The following LIMCH1 variants were observed in gnomAD, a reference collection of about 807,000 sequenced individuals.
LIMCH1 encodes the protein LIM and calponin homology domains-containing protein 1.
LIMCH1 carries 113 observed loss-of-function variants against 176.5 expected under a neutral mutation model. The ratio of observed to expected loss-of-function variants is 0.64; its 90% CI spans 0.55 to 0.75. LIMCH1 has a LOEUF of 0.75. Among genes scored for constraint, LIMCH1 ranks in the 30% least tolerant of loss-of-function variants. The pLI, the probability that LIMCH1 is intolerant of heterozygous loss-of-function variation, is 0.00. For synonymous variants in LIMCH1, 619 were observed against 645.9 expected, an observed-to-expected ratio of 0.96 and a Z score of 0.63; for missense variants, 1,674 against 1,814.9, an observed-to-expected ratio of 0.92 and a Z score of 1.41.
In LIMCH1 at chr4:41,620,684, T is replaced by C; in HGVS notation, c.719T>C (p.Phe240Ser). 1 of 1,533,852 alleles carries C rather than the reference T, an allele frequency of 6.5e-7. No individual in the cohort carries two copies. Among genetic ancestry groups the C allele is most frequent in the Non-Finnish European group, 8.7e-7 (1 of 1,145,398 alleles). The change falls in exon 7 of 32, where the codon TTT becomes TCT. Residue 240 changes from phenylalanine (F) to serine (S), a missense_variant. Around this residue, in one of 3 missense-constraint regions of LIMCH1, gnomAD observed 655 missense variants for 692.2 expected, o/e 0.95. Coordinates refer to ENST00000503057, the MANE Select transcript of LIMCH1 (RefSeq NM_001330672.2). Reference sequence around the variant, plus strand: ...AAGGTCATGCCAGCAGCACAGCGCTTTGCCAGGTCAGCTCTGGGCTGAGGG... The same window carrying C: ...AAGGTCATGCCAGCAGCACAGCGCTCTGCCAGGTCAGCTCTGGGCTGAGGG... ...GIKVMPAAQR[F>S]ASQKQLSEEK...
At chr4:41,438,487 C>T (rs1325013807) in intron 1 of LIMCH1, among the ~76,000 whole-genome samples, 2 of 151,832 alleles carry the variant, frequency 1.3e-5, no homozygotes, top group African/African-American at 2.4e-5. Context: ...CTCAGCCTCC[C>T]GCCACGACAC....
intron 2 of LIMCH1, among the ~76,000 whole-genome samples, chr4:41,505,925 GACACACAC>G (rs36212568): frequency 0.018 from 2,480 of 134,654 alleles, 59 homozygotes; most frequent in African/African-American, 0.049. Context: ...CTGTGTTTCT[GACACACAC>G]ACACACACAC....
intron 21 of LIMCH1, among the ~76,000 whole-genome samples, chr4:41,670,094 T>G (rs1047742256): frequency 3.9e-5 from 6 of 152,234 alleles, no homozygotes; most frequent in Non-Finnish European, 8.8e-5. Flanking sequence ...TTTTCTTAGC[T>G]GCCTCTCAGC....
chr4:41,513,931 G>GGGAGGT, intron 2 of LIMCH1, among the ~76,000 whole-genome samples: 1 of 145,274 alleles, frequency 6.9e-6, no homozygotes, highest in Non-Finnish European at 1.5e-5. Flanking sequence ...GCTTGTACTT[G>GGGAGGT]GGAGGTGGAG....
intron 5 of LIMCH1, among the ~76,000 whole-genome samples, chr4:41,614,137 GT>G (rs2091793885): frequency 6.6e-6 from 1 of 152,186 alleles, no homozygotes; most frequent in Non-Finnish European, 1.5e-5. Context: ...TAATTGGCAT[GT>G]TTTTTGGCAA....
intron 1 of LIMCH1, among the ~76,000 whole-genome samples, chr4:41,562,488 CA>C (rs1243615748): frequency 6.6e-6 from 1 of 152,108 alleles, no homozygotes; most frequent in Non-Finnish European, 1.5e-5. Context: ...AATGCTGAGA[CA>C]AAAAGGAAAT....
chr4:41,540,551 CAACGT>C (rs2078497370), intron 1 of LIMCH1, among the ~76,000 whole-genome samples: 1 of 152,100 alleles, frequency 6.6e-6, no homozygotes, highest in East Asian at 1.9e-4. Flanking sequence ...CCAGCCTGGC[CAACGT>C]GGCGAAACTC....
At chr4:41,415,161 C>T (rs1443001173) in intron 1 of LIMCH1, among the ~76,000 whole-genome samples, 1 of 151,960 alleles carries the variant, frequency 6.6e-6, no homozygotes, top group African/African-American at 2.4e-5. Context: ...TTAAGGGTAC[C>T]ACCCTTAACA....
chr4:41,692,742 T>G (rs1727106230), intron 31 of LIMCH1: 2 of 194,628 alleles, frequency 1.0e-5, no homozygotes, highest in South Asian at 2.1e-4. Flanking sequence ...TTGGGGATGG[T>G]TAAATGTGGA....
chr4:41,555,976 C>CT (rs1244898722), intron 1 of LIMCH1, among the ~76,000 whole-genome samples: 1 of 152,030 alleles, frequency 6.6e-6, no homozygotes, highest in Non-Finnish European at 1.5e-5. Flanking sequence ...AACTCCTGGG[C>CT]TCAGGGGGTC....
chr4:41,599,099 A>C (rs780022314), intron 2 of LIMCH1, 73 bp downstream of exon 2: 426 of 878,720 alleles, frequency 4.8e-4, no homozygotes, highest in Non-Finnish European at 7.3e-4. Flanking sequence ...ATGATGTTGT[A>C]AGTTCTAAGA....
intron 1 of LIMCH1, among the ~76,000 whole-genome samples, chr4:41,442,513 T>C (rs2062811904): frequency 6.6e-6 from 1 of 152,190 alleles, no homozygotes; most frequent in African/African-American, 2.4e-5. Flanking sequence ...AAGGAATTAA[T>C]TGGGTGTATA....
chr4:41,420,625 C>T (rs564007109), intron 1 of LIMCH1, among the ~76,000 whole-genome samples: 69 of 152,170 alleles, frequency 4.5e-4, no homozygotes, highest in Non-Finnish European at 8.5e-4. Flanking sequence ...TAACCCGATT[C>T]CTCCTCCCCA....
chr4:41,570,220 T>C (rs1490140573), intron 1 of LIMCH1, among the ~76,000 whole-genome samples: 1 of 152,244 alleles, frequency 6.6e-6, no homozygotes, highest in Non-Finnish European at 1.5e-5. Flanking sequence ...CTGGCACGCA[T>C]AATTCTGTGG....
At chr4:41,663,869 A>G (rs979116985) in intron 20 of LIMCH1, among the ~76,000 whole-genome samples, 3 of 150,654 alleles carry the variant, frequency 2.0e-5, no homozygotes, top group Non-Finnish European at 4.4e-5. Context: ...AAAAAAAAAA[A>G]AAAATAGTAA....
At chr4:41,398,581 G>A (rs184261431) in intron 1 of LIMCH1, among the ~76,000 whole-genome samples, 4 of 152,104 alleles carry the variant, frequency 2.6e-5, no homozygotes, top group African/African-American at 4.8e-5. Flanking sequence ...GGGAAAATGC[G>A]AACAGTGCGT....
intron 17 of LIMCH1, among the ~76,000 whole-genome samples, chr4:41,648,800 T>C (rs1176960635): frequency 6.6e-6 from 1 of 151,556 alleles, no homozygotes; most frequent in Non-Finnish European, 1.5e-5. Context: ...TAAGGCAGTG[T>C]TTTTCAAACT....
At chr4:41,595,810 C>A (rs1224005080) in intron 1 of LIMCH1, among the ~76,000 whole-genome samples, 1 of 152,074 alleles carries the variant, frequency 6.6e-6, no homozygotes, top group Non-Finnish European at 1.5e-5. Context: ...GTAATCCCAG[C>A]ACGTTGCAGG....
In LIMCH1 at chr4:41,632,967, C is replaced by G; in HGVS notation, c.1721-10C>G. The G allele has an allele frequency of 1.3e-6, 2 of 1,535,298 alleles. No homozygotes were observed. Among genetic ancestry groups the G allele is most frequent in the Non-Finnish European group, 1.7e-6 (2 of 1,146,222 alleles). ...TTTCCTAGGAGTGAAACTGTCCTCT[C>G]TGGCTTTAGTTACATCCAAACAGCT... On this transcript the variant is annotated splice_polypyrimidine_tract_variant and intron_variant, in intron 11 of 31. Coordinates refer to ENST00000503057, the MANE Select transcript of LIMCH1 (RefSeq NM_001330672.2).
Sources: allele counts gnomAD v4.1 joint callset (sites outside exome capture counted in the v4.1 genomes callset), GRCh38; gene constraint gnomAD v4.1.1; regional missense constraint gnomAD v4.1.1; transcripts MANE v1.5; gene names NCBI Gene and HGNC (gene_info 2026-07-23, HGNC 2026-07-21).